Variants in TMEM117 observed in about 807,000 individuals in gnomAD.
TMEM117 encodes the protein transmembrane protein 117.
TMEM117 carries 27 observed loss-of-function variants against 52.4 expected under a neutral mutation model. The observed-to-expected ratio is 0.51, with a 90% confidence interval of 0.38 to 0.71. The LOEUF (loss-of-function observed/expected upper bound fraction) is 0.71. Among genes scored for constraint, TMEM117 ranks in the 30% least tolerant of loss-of-function variants. TMEM117 has a pLI of 0.00. For synonymous variants in TMEM117, 215 were observed against 206.3 expected (o/e 1.04, Z -0.36); for missense variants, 556 against 630.5 (o/e 0.88, Z 1.26).
rs10565033 is a variant in TMEM117 at position 44,253,835 on chromosome 12, T to TACACACACACAC, written c.608+42479_608+42490dup. ...GCTACTGTGCTATACTGATAATTCC[T>TACACACACACAC]ACACACACACACACACACACACACA... On this transcript the variant is annotated intron_variant, in intron 5 of 7. Transcript: ENST00000266534. 3.2e-3 allele frequency among the ~76,000 whole-genome samples: 442 copies of TACACACACACAC among 136,316 alleles called. 5 individuals are homozygous for TACACACACACAC. Among genetic ancestry groups the TACACACACACAC allele is most frequent in the African/African-American group, 9.7e-3 (366 of 37,906 alleles). The allele number at this position is 136,316 out of a possible 152,430, so 89.4% of individuals were successfully genotyped here.
chr12:43,959,431 A>C (rs1020146375), intron 3 of TMEM117, among the ~76,000 whole-genome samples: 29 of 152,364 alleles, frequency 1.9e-4, no homozygotes, highest in East Asian at 1.2e-3. Flanking sequence ...GAAAAAAATC[A>C]GGGTGAACTT....
At chr12:44,205,200 G>A (rs1484308677) in intron 4 of TMEM117, among the ~76,000 whole-genome samples, 1 of 152,184 alleles carries the variant, frequency 6.6e-6, no homozygotes. Context: ...TGCCAGTGGA[G>A]ATAATTAATC....
At chr12:43,954,342 C>CA (rs1477833536) in intron 3 of TMEM117, among the ~76,000 whole-genome samples, 1 of 151,684 alleles carries the variant, frequency 6.6e-6, no homozygotes, top group Non-Finnish European at 1.5e-5. Flanking sequence ...AAAAACCCTT[C>CA]AAAAAATCAA....
chr12:44,205,771 C>T (rs529224813), intron 4 of TMEM117, among the ~76,000 whole-genome samples: 1 of 152,136 alleles, frequency 6.6e-6, no homozygotes, highest in Non-Finnish European at 1.5e-5. Flanking sequence ...CAGATGCCAG[C>T]TGGGCTGCAG....
At chr12:44,255,522 A>G (rs925348783) in intron 5 of TMEM117, among the ~76,000 whole-genome samples, 25 of 152,174 alleles carry the variant, frequency 1.6e-4, no homozygotes, top group Non-Finnish European at 2.9e-4. Context: ...TAAGTTAGAT[A>G]AATTTATATC....
intron 6 of TMEM117, among the ~76,000 whole-genome samples, chr12:44,316,694 T>C (rs1951058709): frequency 6.6e-6 from 1 of 152,172 alleles, no homozygotes; most frequent in Admixed American, 6.5e-5. Context: ...GTTTACTTTT[T>C]CTCCTCCTCT....
At chr12:44,045,680 T>C (rs1382888801) in intron 3 of TMEM117, among the ~76,000 whole-genome samples, 1 of 151,980 alleles carries the variant, frequency 6.6e-6, no homozygotes, top group African/African-American at 2.4e-5. Flanking sequence ...CTGTCTCTAC[T>C]AAAAATAGAA....
chr12:43,872,090 T>C lies in TMEM117; in HGVS notation c.277+27162T>C, dbSNP rs528674359. On this transcript the variant is annotated intron_variant, in intron 2 of 7. Coordinates refer to ENST00000266534, the MANE Select transcript of TMEM117 (RefSeq NM_032256.3). ...TTTTTTACTTTTTAATTTGTAGAGA[T>C]GGGGTCTTGCCTTGTTACTCAGGCC... Among the ~76,000 whole-genome samples, 5 of 152,290 alleles carry C rather than the reference T, an allele frequency of 3.3e-5. No homozygotes were observed. In the East Asian group the frequency reaches 5.8e-4, roughly 18 times the overall value.
At chr12:43,968,643 A>C (rs1252149978) in intron 3 of TMEM117, among the ~76,000 whole-genome samples, 1 of 152,216 alleles carries the variant, frequency 6.6e-6, no homozygotes, top group Non-Finnish European at 1.5e-5. Context: ...AGGAAGATTA[A>C]GTCCAGGCTA....
intron 6 of TMEM117, among the ~76,000 whole-genome samples, chr12:44,351,537 T>C (rs1330441438): frequency 6.6e-6 from 1 of 151,978 alleles, no homozygotes; most frequent in Non-Finnish European, 1.5e-5. Flanking sequence ...TTTTTGTATG[T>C]AGTGAGAGAT....
intron 4 of TMEM117, among the ~76,000 whole-genome samples, chr12:44,164,608 A>C (rs953965496): frequency 6.6e-6 from 1 of 152,216 alleles, no homozygotes; most frequent in African/African-American, 2.4e-5. Context: ...ATACAGGAAC[A>C]TGAATTTTGA....
At chr12:43,902,077 C>T (rs986117706) in intron 2 of TMEM117, among the ~76,000 whole-genome samples, 1 of 152,158 alleles carries the variant, frequency 6.6e-6, no homozygotes, top group Admixed American at 6.5e-5. Flanking sequence ...ATCAATTGTG[C>T]ATTCTGTTAG....
chr12:44,323,581 G>A (rs1477904852), intron 6 of TMEM117, among the ~76,000 whole-genome samples: 1 of 152,040 alleles, frequency 6.6e-6, no homozygotes, highest in Non-Finnish European at 1.5e-5. Context: ...TTTGCTGTTG[G>A]TACCTGCTAA....
intron 3 of TMEM117, among the ~76,000 whole-genome samples, chr12:43,966,089 T>C (rs986191759): frequency 1.3e-5 from 2 of 152,204 alleles, no homozygotes; most frequent in Non-Finnish European, 2.9e-5. Context: ...ATCTCATTCT[T>C]TTTTATGGCT....
At chr12:43,965,081 C>T (rs553514314) in intron 3 of TMEM117, among the ~76,000 whole-genome samples, 1 of 152,170 alleles carries the variant, frequency 6.6e-6, no homozygotes, top group Non-Finnish European at 1.5e-5. Context: ...CCTGGTTGCC[C>T]TAGTAACAGG....
chr12:44,213,257 G>A (rs1186279232), intron 5 of TMEM117, among the ~76,000 whole-genome samples: 3 of 152,254 alleles, frequency 2.0e-5, no homozygotes, highest in East Asian at 1.9e-4. Context: ...TGACTCCAGA[G>A]CCCTAGTTTG....
chr12:43,953,197 C>T (rs1945252759), intron 3 of TMEM117, among the ~76,000 whole-genome samples: 1 of 152,072 alleles, frequency 6.6e-6, no homozygotes, highest in Non-Finnish European at 1.5e-5. Flanking sequence ...TACAAAAACA[C>T]ACTGAAGTAC....
At chr12:44,155,587 C>G (rs1030578683) in intron 4 of TMEM117, among the ~76,000 whole-genome samples, 3 of 151,970 alleles carry the variant, frequency 2.0e-5, no homozygotes, top group Non-Finnish European at 4.4e-5. Context: ...TAATAAATAC[C>G]AGCATTGCAA....
In TMEM117 at chr12:44,057,165, G is replaced by C. The variant is rs540976505; in HGVS notation, c.411-86360G>C. On this transcript the variant is annotated intron_variant, in intron 3 of 7. Coordinates refer to ENST00000266534, the MANE Select transcript of TMEM117 (RefSeq NM_032256.3). ...AGGTGGCTATGTTTTGTGAACTTCA[G>C]CTCCCTTTAGAAAAGGAAGCAGTGT... Among the ~76,000 whole-genome samples the C allele has an allele frequency of 5.3e-5, 8 of 152,258 alleles. No homozygotes were observed. The South Asian group carries it at 1.2e-3, about 24-fold the overall frequency.
Sources: allele counts gnomAD v4.1 joint callset (sites outside exome capture counted in the v4.1 genomes callset), GRCh38; gene constraint gnomAD v4.1.1; transcripts MANE v1.5; gene names NCBI Gene and HGNC (gene_info 2026-07-23, HGNC 2026-07-21).